The following HTN1 variants were observed in gnomAD, a reference collection of about 807,000 sequenced individuals.
HTN1 encodes the protein histatin-1.
Under a neutral mutation model 11.2 loss-of-function variants are expected in HTN1, and 18 were observed. That is an observed-to-expected ratio of 1.61 (90% CI 1.12 to 2.39). The LOEUF (loss-of-function observed/expected upper bound fraction) is 2.39, where lower values mean the gene tolerates loss of function less well. Among genes scored for constraint, HTN1 ranks in the 30% most tolerant of loss-of-function variants. The pLI is 0.00. For missense variants in HTN1, 80 were observed against 67.2 expected (o/e 1.19, Z -0.67); for synonymous variants, 21 against 20.5 (o/e 1.02, Z -0.07).
intron 5 of HTN1, 76 bp downstream of exon 5, chr4:70,055,678 A>C: frequency 1.5e-6 from 1 of 683,356 alleles, no homozygotes; most frequent in Non-Finnish European, 2.5e-6. Context: ...TAAGCTAACA[A>C]CCATTCCAGT....
chr4:70,052,915 T>G (rs2109726778), intron 1 of HTN1, 149 bp from the exon 2 acceptor site: 1 of 616,208 alleles, frequency 1.6e-6, no homozygotes, highest in East Asian at 2.8e-5. Context: ...TGGTCCAGGC[T>G]GCAGTGATCT....
chr4:70,051,653 C>T (rs764109709), intron 1 of HTN1, among the ~76,000 whole-genome samples: 2 of 151,970 alleles, frequency 1.3e-5, no homozygotes, highest in African/African-American at 2.4e-5. Context: ...CTTCAAAATA[C>T]ATAATTTTTA....
chr4:70,057,953 C>A (rs1442520833), intron 5 of HTN1: 1 of 152,062 alleles, frequency 6.6e-6, no homozygotes, highest in Non-Finnish European at 1.5e-5. Context: ...TGGGAATTTT[C>A]AAGGAAATAG....
intron 5 of HTN1, 135 bp from the exon 6 acceptor site, chr4:70,058,445 C>A (rs141585730): frequency 6.6e-6 from 1 of 152,142 alleles, no homozygotes; most frequent in Non-Finnish European, 1.5e-5. Flanking sequence ...TACTCTATAT[C>A]AAATAGTATT....
At position 70,050,777 on chromosome 4, in the gene HTN1, T is replaced by A. The variant is rs552047203; in HGVS notation, c.-14+282T>A. On this transcript the variant is annotated intron_variant, in intron 1 of 5. Transcript: ENST00000246896. The stretch of plus-strand genomic sequence containing the variant: ...TTTATTTTATTTTATTTTACTTTCT[T>A]ATTTTACTTTAAGTTCTGGGATACG... 4.6e-5 allele frequency among the ~76,000 whole-genome samples: 7 copies of A among 152,262 alleles called. No individual in the cohort carries two copies. The East Asian group carries it at 1.3e-3, about 29-fold the overall frequency.
intron 1 of HTN1, 73 bp from the exon 2 acceptor site, chr4:70,052,991 G>C: frequency 1.1e-6 from 1 of 890,722 alleles, no homozygotes. Context: ...GAAGCATAGT[G>C]TCATCAATAG....
At chr4:70,053,385 T>C (rs1479326110) in intron 2 of HTN1, among the ~76,000 whole-genome samples, 1 of 152,166 alleles carries the variant, frequency 6.6e-6, no homozygotes. Flanking sequence ...GCGAGCTTTT[T>C]AAATATGTGG....
intron 1 of HTN1, 99 bp from the exon 2 acceptor site, chr4:70,052,965 T>C (rs1395151260): frequency 1.3e-6 from 1 of 749,966 alleles, no homozygotes; most frequent in Non-Finnish European, 2.4e-6. Context: ...AAACAGAGCA[T>C]GTCTCCCAAT....
At position 70,051,527 on chromosome 4, in the gene HTN1, C is replaced by G. The variant is rs147776061; in HGVS notation, c.-14+1032C>G. 7.5e-3 allele frequency among the ~76,000 whole-genome samples: 1,144 copies of G among 152,076 alleles called. 9 individuals carry two copies. Among genetic ancestry groups the G allele is most frequent in the Non-Finnish European group, 0.012 (816 of 67,932 alleles). ...AAAAGAAGACCAATTTCTTAGAACC[C>G]TTTTTTATTTTGTACTTGCAACAGA... On this transcript the variant is annotated intron_variant, in intron 1 of 5. Transcript: ENST00000246896.
At position 70,051,421 on chromosome 4, in the gene HTN1, T is replaced by G. The variant is rs188415287; in HGVS notation, c.-14+926T>G. 2.2e-3 allele frequency among the ~76,000 whole-genome samples: 335 copies of G among 152,258 alleles called. 7 individuals carry two copies. Among genetic ancestry groups the G allele is most frequent in the Admixed American group, 0.02 (300 of 15,292 alleles). On this transcript the variant is annotated intron_variant, in intron 1 of 5. Transcript: ENST00000246896. ...CTGTTCCAAATTTTTATTGATGTGT[T>G]ACTTGGGAAATATGTTTTTCATAAC...
At chr4:70,054,183 ATAAC>A (rs1725972903) in intron 2 of HTN1, 135 bp from the exon 3 acceptor site, 3 of 531,906 alleles carry the variant, frequency 5.6e-6, no homozygotes, top group Non-Finnish European at 3.3e-6. Context: ...TAAAGCTAAA[ATAAC>A]TAATTTAGTC....
rs2109729780 is a variant in HTN1, at chr4:70,055,480, C to G, written c.103-18C>G. The stretch of plus-strand genomic sequence containing the variant: ...CTCTATTCTCTGCAATTTGCTCTCT[C>G]CTTTTGTGTGTATGCAGGAAAAGCA... On this transcript the variant is annotated intron_variant, in intron 4 of 5. Transcript: ENST00000246896. 2 of 1,551,870 alleles carry G rather than the reference C, an allele frequency of 1.3e-6. No homozygotes were observed. Among genetic ancestry groups the G allele is most frequent in the East Asian group, 4.5e-5 (2 of 44,430 alleles).
At position 70,058,748 on chromosome 4, in the gene HTN1, T is replaced by C. The variant is rs1240117755; in HGVS notation, c.*202T>C. 2 of 152,182 alleles carry C rather than the reference T, an allele frequency of 1.3e-5. No homozygotes were observed. Among genetic ancestry groups the C allele is most frequent in the Non-Finnish European group, 2.9e-5 (2 of 68,004 alleles). 9.4% of individuals were successfully genotyped at this position (152,182 alleles called of 1,614,324 possible). A position where few individuals can be genotyped will look rare whatever the true frequency, so the allele number is the denominator to read the frequency against. ...CTTCCCTTCCTAATTATCATTTGAT[T>C]AGATACTTGCAATTTAAACTGTTAA... On this transcript the variant is annotated 3_prime_UTR_variant, in exon 6 of 6. Coordinates refer to ENST00000246896, the MANE Select transcript of HTN1 (RefSeq NM_002159.4).
chr4:70,050,880 G>A lies in HTN1; in HGVS notation c.-14+385G>A, dbSNP rs151290064. Among the ~76,000 whole-genome samples, 952 of 152,198 alleles carry A rather than the reference G, an allele frequency of 6.3e-3. 6 individuals are homozygous for A. Among genetic ancestry groups the A allele is most frequent in the Non-Finnish European group, 0.011 (737 of 68,006 alleles). On this transcript the variant is annotated intron_variant, in intron 1 of 5. Transcript: ENST00000246896. ...GCTGCACCTATCAACCCATCATCTA[G>A]GTTTTAAGCCCCGCATGCATTAGTT... is the stretch of plus-strand genomic sequence containing the variant.
At chr4:70,053,223 T>G (rs1438579829) in intron 2 of HTN1, 96 bp downstream of exon 2, 1 of 741,140 alleles carries the variant, frequency 1.3e-6, no homozygotes, top group Admixed American at 2.4e-5. Flanking sequence ...CATGTTGACC[T>G]CAATACAGCT....
chr4:70,058,248 T>A (rs1335871795), intron 5 of HTN1: 7 of 152,150 alleles, frequency 4.6e-5, no homozygotes, highest in African/African-American at 1.7e-4. Context: ...CTGATGACAT[T>A]TAATCAGGGG....
At position 70,053,091 on chromosome 4, in the gene HTN1, C is replaced by T. The variant is rs577124582; in HGVS notation, c.15C>T (p.Val5=). 217 of 1,609,612 alleles carry T rather than the reference C, an allele frequency of 1.3e-4. 2 individuals are homozygous for T. In the South Asian group the frequency reaches 2.3e-3, roughly 17 times the overall value. The part of the protein sequence containing the change: MKFF[V]FALVLALMIS... ...CTCAGCCAACTATGAAGTTTTTTGT[C>T]TTTGCTTTAGTCTTGGCTCTCATGA... The change falls in exon 2 of 6, where the codon GTC becomes GTT. Residue 5 remains valine (V), a synonymous_variant. Coordinates refer to ENST00000246896, the MANE Select transcript of HTN1 (RefSeq NM_002159.4).
intron 5 of HTN1, chr4:70,057,632 C>A (rs1421854055): frequency 6.6e-6 from 1 of 152,136 alleles, no homozygotes; most frequent in East Asian, 1.9e-4. Context: ...TCCTAATCTT[C>A]TCCATACCTC....
intron 5 of HTN1, chr4:70,058,253 CA>C (rs1468007233): frequency 6.6e-6 from 1 of 151,976 alleles, no homozygotes; most frequent in Non-Finnish European, 1.5e-5. Flanking sequence ...GACATTTAAT[CA>C]GGGGAGGATA....
Sources: gnomAD v4.1 joint callset for allele counts (sites outside exome capture counted in the v4.1 genomes callset) on GRCh38, gnomAD v4.1.1 for gene constraint, MANE v1.5 for transcripts, NCBI Gene and HGNC (gene_info 2026-07-23, HGNC 2026-07-21) for gene names.